NALF1: variants seen among roughly 807,000 people sequenced by gnomAD.
NALF1 encodes family with sequence similarity 155 member A.
A neutral mutation model predicts 48.4 loss-of-function variants in NALF1; 3 were observed. The ratio of observed to expected loss-of-function variants is 0.06; its 90% CI spans 0.03 to 0.16. The LOEUF (loss-of-function observed/expected upper bound fraction) is 0.16. Ranked by LOEUF, NALF1 falls within the 10% of genes least tolerant of loss-of-function variation. NALF1 has a pLI of 1.00. For synonymous variants in NALF1, 262 were observed against 245.7 expected (o/e 1.07, Z -0.62); for missense variants, 526 against 571.5 (o/e 0.92, Z 0.81).
chr13:107,555,101 A>C (rs1197524121), intron 1 of NALF1, among the ~76,000 whole-genome samples: 1 of 152,088 alleles, frequency 6.6e-6, no homozygotes, highest in East Asian at 1.9e-4. Context: ...ATTGGCAGCA[A>C]ACAAAATAAT....
chr13:107,204,522 A>G (rs1879594533), intron 2 of NALF1, among the ~76,000 whole-genome samples: 1 of 152,242 alleles, frequency 6.6e-6, no homozygotes, highest in African/African-American at 2.4e-5. Flanking sequence ...CTCTTGCCAA[A>G]GGCAAACTTG....
chr13:107,670,351 T>C (rs539424432), intron 1 of NALF1, among the ~76,000 whole-genome samples: 14 of 152,194 alleles, frequency 9.2e-5, no homozygotes, highest in African/African-American at 3.1e-4. Context: ...GGAAGGGTCG[T>C]AGTATCTCAC....
chr13:107,653,633 C>T (rs143366883), intron 1 of NALF1, among the ~76,000 whole-genome samples: 427 of 151,994 alleles, frequency 2.8e-3, no homozygotes, highest in African/African-American at 9.6e-3. Flanking sequence ...TCTACTTCTA[C>T]CACGGTGCAC....
intron 1 of NALF1, among the ~76,000 whole-genome samples, chr13:107,458,233 C>G (rs1169760012): frequency 6.6e-6 from 1 of 152,210 alleles, no homozygotes; most frequent in East Asian, 1.9e-4. Context: ...AGTGACCAGC[C>G]CTCATATTTG....
At chr13:107,353,869 T>C (rs1378974498) in intron 1 of NALF1, among the ~76,000 whole-genome samples, 2 of 152,204 alleles carry the variant, frequency 1.3e-5, no homozygotes, top group Non-Finnish European at 2.9e-5. Context: ...AATGCATAGA[T>C]ATTTATTCCT....
intron 1 of NALF1, among the ~76,000 whole-genome samples, chr13:107,575,901 G>A (rs1202386973): frequency 6.6e-6 from 1 of 151,966 alleles, no homozygotes; most frequent in East Asian, 1.9e-4. Flanking sequence ...GGGAAGAGGT[G>A]TGTGTGTCTA....
intron 1 of NALF1, among the ~76,000 whole-genome samples, chr13:107,805,968 T>C (rs931789088): frequency 1.3e-5 from 2 of 152,220 alleles, no homozygotes; most frequent in African/African-American, 4.8e-5. Context: ...TTGCCTTAAA[T>C]ATTTTCTTAC....
intron 1 of NALF1, among the ~76,000 whole-genome samples, chr13:107,752,466 C>T (rs1268704972): frequency 6.6e-6 from 1 of 151,832 alleles, no homozygotes; most frequent in Non-Finnish European, 1.5e-5. Context: ...TATTCATTGA[C>T]AGATAAATGG....
At chr13:107,290,999 AAAC>A (rs552150957) in intron 1 of NALF1, among the ~76,000 whole-genome samples, 215 of 152,038 alleles carry the variant, frequency 1.4e-3, no homozygotes, top group Non-Finnish European at 2.8e-3. Context: ...CAAAATCAGA[AAAC>A]AAAGGCTTTT....
At chr13:107,184,344 T>C (rs907815533) in intron 2 of NALF1, among the ~76,000 whole-genome samples, 2 of 152,118 alleles carry the variant, frequency 1.3e-5, no homozygotes, top group Non-Finnish European at 2.9e-5. Flanking sequence ...ACCATTTTAA[T>C]GCGCCGATGG....
intron 1 of NALF1, among the ~76,000 whole-genome samples, chr13:107,737,151 T>A (rs1368599855): frequency 3.9e-5 from 6 of 152,220 alleles, no homozygotes; most frequent in African/African-American, 1.4e-4. Flanking sequence ...GCTGCATGAG[T>A]ATAGGATAGA....
At chr13:107,645,497 T>G (rs1880291267) in intron 1 of NALF1, among the ~76,000 whole-genome samples, 1 of 152,110 alleles carries the variant, frequency 6.6e-6, no homozygotes, top group Non-Finnish European at 1.5e-5. Context: ...ACCCAATTGT[T>G]TTGGGTTTAG....
chr13:107,210,798 A>T (rs774043967), intron 1 of NALF1, 43 bp from the exon 2 acceptor site: 5 of 1,412,230 alleles, frequency 3.5e-6, no homozygotes, highest in Admixed American at 3.4e-5. Context: ...GCGTGACAAC[A>T]GTTACAGTGA....
At chr13:107,214,850 T>C (rs759615601) in intron 1 of NALF1, among the ~76,000 whole-genome samples, 6 of 152,240 alleles carry the variant, frequency 3.9e-5, no homozygotes, top group Non-Finnish European at 8.8e-5. Flanking sequence ...TCTCTCTTGC[T>C]ATCTTTCCTC....
chr13:107,545,715 A>G (rs1877118840), intron 1 of NALF1, among the ~76,000 whole-genome samples: 2 of 152,076 alleles, frequency 1.3e-5, no homozygotes, highest in Admixed American at 1.3e-4. Context: ...GCTGTGAATG[A>G]TGCTGGGAGA....
In NALF1 at chr13:107,350,945, CAA is replaced by C. The variant is rs539864374; in HGVS notation, c.916-140192_916-140191del. On this transcript the variant is annotated intron_variant, in intron 1 of 2. Transcript: ENST00000375915. ...GAGACCACTGGGGTATGACAACTAC[CAA>C]AGAGTTACTGACTTCAGCTCAATTC... 1.7e-3 allele frequency among the ~76,000 whole-genome samples: 266 copies of C among 152,276 alleles called. 1 individual carries two copies. Among genetic ancestry groups the C allele is most frequent in the African/African-American group, 6.2e-3 (257 of 41,552 alleles).
chr13:107,846,484 C>G (rs566351952), intron 1 of NALF1, among the ~76,000 whole-genome samples: 56 of 152,248 alleles, frequency 3.7e-4, no homozygotes, highest in Admixed American at 1.0e-3. Context: ...CCTCAGTACT[C>G]CCATTCCTAC....
intron 1 of NALF1, among the ~76,000 whole-genome samples, chr13:107,343,323 T>C (rs1425208409): frequency 6.6e-6 from 1 of 152,174 alleles, no homozygotes; most frequent in Non-Finnish European, 1.5e-5. Context: ...TTTGACTTTG[T>C]CCCCACCCAA....
chr13:107,330,475 A>G (rs1882448376), intron 1 of NALF1, among the ~76,000 whole-genome samples: 1 of 152,234 alleles, frequency 6.6e-6, no homozygotes, highest in Non-Finnish European at 1.5e-5. Flanking sequence ...CAATTTGGGT[A>G]AAAAACACAT....
Sources: allele counts gnomAD v4.1 joint callset (sites outside exome capture counted in the v4.1 genomes callset), GRCh38; gene constraint gnomAD v4.1.1; transcripts MANE v1.5; gene names NCBI Gene and HGNC (gene_info 2026-07-23, HGNC 2026-07-21).